Variants in EYS observed in about 807,000 individuals in gnomAD.
EYS encodes protein eyes shut homolog.
A neutral mutation model predicts 282.1 loss-of-function variants in EYS; 250 were observed. The ratio of observed to expected loss-of-function variants is 0.89; its 90% CI spans 0.80 to 0.98. The LOEUF (loss-of-function observed/expected upper bound fraction) is 0.98, where lower values mean the gene tolerates loss of function less well. Ranked by LOEUF, EYS falls within the 50% of genes least tolerant of loss-of-function variation. The pLI is 0.00. For missense variants in EYS, 4,016 were observed against 3,709.0 expected (o/e 1.08, Z -2.15); for synonymous variants, 1,355 against 1,282.9 (o/e 1.06, Z -1.20).
chr6:65,457,672 TA>T (rs202202204), intron 5 of EYS, among the ~76,000 whole-genome samples: 20 of 151,478 alleles, frequency 1.3e-4, no homozygotes, highest in South Asian at 2.1e-4. Flanking sequence ...CTCTGACGAA[TA>T]AAAAAAAATC....
chr6:64,590,539 T>A lies in EYS; in HGVS notation c.5328A>T (p.Pro1776=), dbSNP rs1028791002. Residue 1776 remains proline, a synonymous_variant, in exon 26 of 43, where the codon CCA becomes CCT. Transcript: ENST00000503581. The part of the protein sequence containing the change: ...HANDFKNNLP[P]LTGSVPDFSE... ...AAAAATCAGGCACTGAGCCTGTCAA[T>A]GGTGGCAGATTATTTTTGAAGTCAT... 3.2e-6 allele frequency: 5 copies of A among 1,551,244 alleles called. No individual in the cohort carries two copies. Among genetic ancestry groups the A allele is most frequent in the Admixed American group, 2.0e-5 (1 of 50,956 alleles).
At chr6:64,554,038 G>C (rs577791909) in intron 26 of EYS, among the ~76,000 whole-genome samples, 1 of 152,090 alleles carries the variant, frequency 6.6e-6, no homozygotes, top group South Asian at 2.1e-4. Flanking sequence ...TTATGAAATG[G>C]CATCCAAAGG....
At chr6:63,907,720 A>T (rs1007500080) in intron 35 of EYS, among the ~76,000 whole-genome samples, 2 of 152,044 alleles carry the variant, frequency 1.3e-5, no homozygotes, top group African/African-American at 4.8e-5. Context: ...TACCACCCAA[A>T]TAATGTATGT....
intron 26 of EYS, among the ~76,000 whole-genome samples, chr6:64,471,108 A>T (rs573876781): frequency 6.6e-6 from 1 of 152,294 alleles, no homozygotes; most frequent in East Asian, 1.9e-4. Flanking sequence ...AAGTCACATA[A>T]GGGTAGGAGA....
chr6:64,797,118 C>A (rs1376618908), intron 22 of EYS, among the ~76,000 whole-genome samples: 1 of 152,098 alleles, frequency 6.6e-6, no homozygotes, highest in Non-Finnish European at 1.5e-5. Flanking sequence ...TATCAGCCAG[C>A]TCTACCTTCA....
intron 22 of EYS, among the ~76,000 whole-genome samples, chr6:64,697,313 T>C (rs1458696266): frequency 6.6e-6 from 1 of 152,170 alleles, no homozygotes; most frequent in East Asian, 1.9e-4. Flanking sequence ...AAGGTCATTA[T>C]ATAATGATAA....
chr6:64,345,272 G>T (rs201988994), intron 29 of EYS, among the ~76,000 whole-genome samples: 3 of 150,230 alleles, frequency 2.0e-5, no homozygotes, highest in African/African-American at 4.9e-5. Flanking sequence ...AACAAAGCCA[G>T]AGGCATCATG....
At chr6:64,724,997 A>G (rs776808339) in intron 22 of EYS, among the ~76,000 whole-genome samples, 3 of 152,140 alleles carry the variant, frequency 2.0e-5, no homozygotes, top group Non-Finnish European at 4.4e-5. Context: ...AAATCAAACA[A>G]AAACTCCAAA....
intron 19 of EYS, among the ~76,000 whole-genome samples, chr6:64,828,930 C>T (rs1765137307): frequency 6.6e-6 from 1 of 151,920 alleles, no homozygotes. Context: ...TCCTTAAAGC[C>T]TTATTAAGAG....
At chr6:65,370,602 T>G (rs1196375356) in intron 8 of EYS, among the ~76,000 whole-genome samples, 1 of 151,822 alleles carries the variant, frequency 6.6e-6, no homozygotes, top group African/African-American at 2.4e-5. Context: ...ATGCAAATTT[T>G]TTTTATGTAT....
chr6:65,601,143 T>C (rs931811635), intron 2 of EYS, among the ~76,000 whole-genome samples: 3 of 151,958 alleles, frequency 2.0e-5, no homozygotes, highest in African/African-American at 4.8e-5. Context: ...GGGGCATTTA[T>C]ATTGTTTCAT....
chr6:64,709,746 T>C (rs1276071481), intron 22 of EYS, among the ~76,000 whole-genome samples: 1 of 152,168 alleles, frequency 6.6e-6, no homozygotes, highest in African/African-American at 2.4e-5. Flanking sequence ...TGGTAACACA[T>C]TGTTCTCATT....
chr6:64,005,740 C>T (rs552318143), intron 33 of EYS, among the ~76,000 whole-genome samples: 1 of 152,072 alleles, frequency 6.6e-6, no homozygotes, highest in Admixed American at 6.6e-5. Context: ...TTTCCCATTG[C>T]TTTTTTTGTT....
At chr6:64,021,825 G>C (rs936002936) in intron 33 of EYS, among the ~76,000 whole-genome samples, 1 of 152,030 alleles carries the variant, frequency 6.6e-6, no homozygotes, top group African/African-American at 2.4e-5. Context: ...AGTTCTCTAG[G>C]CCTCTGTAAG....
intron 31 of EYS, among the ~76,000 whole-genome samples, chr6:64,208,567 C>T (rs1377226012): frequency 3.3e-5 from 5 of 151,756 alleles, no homozygotes; most frequent in Admixed American, 2.6e-4. Flanking sequence ...AGGTTTAGAA[C>T]CTAGATTACC....
chr6:64,312,900 G>A (rs868307615), intron 29 of EYS, among the ~76,000 whole-genome samples: 2 of 141,160 alleles, frequency 1.4e-5, no homozygotes, highest in Non-Finnish European at 3.1e-5. Flanking sequence ...AAAAACCAAA[G>A]ATAGATAAAT....
intron 11 of EYS, chr6:65,331,405 T>G: frequency 3.8e-6 from 3 of 789,288 alleles, no homozygotes; most frequent in Non-Finnish European, 4.6e-6. Flanking sequence ...TTTGCATATC[T>G]TTTGACATTA....
At chr6:65,568,246 C>T (rs930549231) in intron 2 of EYS, among the ~76,000 whole-genome samples, 10 of 152,068 alleles carry the variant, frequency 6.6e-5, no homozygotes, top group African/African-American at 2.4e-4. Context: ...TTCCTCTTCT[C>T]CCCTCTCCCA....
At chr6:64,182,749 C>T (rs1764824128) in intron 31 of EYS, among the ~76,000 whole-genome samples, 1 of 152,124 alleles carries the variant, frequency 6.6e-6, no homozygotes, top group Non-Finnish European at 1.5e-5. Context: ...AAGTTCCTGC[C>T]ATTCTGAATT....
Sources: allele counts gnomAD v4.1 joint callset (sites outside exome capture counted in the v4.1 genomes callset), GRCh38; gene constraint gnomAD v4.1.1; transcripts MANE v1.5; gene names NCBI Gene and HGNC (gene_info 2026-07-23, HGNC 2026-07-21).